SGPP2: variants seen among roughly 807,000 people sequenced by gnomAD.
SGPP2 encodes the protein sphingosine 1-phosphate phosphohydrolase 2.
Under a neutral mutation model 33.9 loss-of-function variants are expected in SGPP2, and 30 were observed. The observed-to-expected ratio is 0.89, with a 90% CI of 0.66 to 1.20. SGPP2 has a LOEUF of 1.20. Among genes scored for constraint, SGPP2 ranks in the 50% most tolerant of loss-of-function variants. The probability of loss-of-function intolerance (pLI) is 0.00; values close to 1 mark genes in which losing one functional copy is unlikely to be tolerated. For missense variants in SGPP2, 458 were observed against 532.1 expected, an observed-to-expected ratio of 0.86 and a Z score of 1.37; for synonymous variants, 233 against 225.0, an observed-to-expected ratio of 1.04 and a Z score of -0.32.
At chr2:222,473,652 C>T (rs1017582646) in intron 1 of SGPP2, among the ~76,000 whole-genome samples, 1 of 152,160 alleles carries the variant, frequency 6.6e-6, no homozygotes, top group Non-Finnish European at 1.5e-5. Context: ...AGGCCGGGCA[C>T]GGTGGCTCAC....
At chr2:222,437,454 G>A (rs4674651) in intron 1 of SGPP2, among the ~76,000 whole-genome samples, 116,645 of 152,076 alleles carry the variant, frequency 0.77, 44,895 homozygotes, top group Middle Eastern at 0.88. Context: ...AGAACCATCT[G>A]TGAACCAGGC....
At position 222,558,891 on chromosome 2, in the gene SGPP2, T is replaced by C; in HGVS notation, c.1193T>C (p.Leu398Ser). Reference sequence around the variant, plus strand: ...CCGATGCTTCACAGGTTTCTGGGATTACCCTGAGTCTCAAACAGTTGGAAA... The same window carrying C: ...CCGATGCTTCACAGGTTTCTGGGATCACCCTGAGTCTCAAACAGTTGGAAA... ...FVPMLHRFLG[L>S]P The change falls in exon 5 of 5, where the codon TTA becomes TCA. Residue 398 changes from leucine (L) to serine (S), a missense_variant. Transcript: ENST00000321276. The C allele has an allele frequency of 6.2e-7, 1 of 1,603,518 alleles. No individual in the cohort carries two copies. The highest frequency in any genetic ancestry group is 8.5e-7 in the Non-Finnish European group (1 of 1,170,988).
At chr2:222,445,916 A>G (rs1181625008) in intron 1 of SGPP2, among the ~76,000 whole-genome samples, 1 of 152,202 alleles carries the variant, frequency 6.6e-6, no homozygotes, top group Non-Finnish European at 1.5e-5. Context: ...GCAGAATGTA[A>G]AGGGTTCAGA....
chr2:222,510,295 A>C (rs1398671021), intron 2 of SGPP2, among the ~76,000 whole-genome samples: 1 of 152,234 alleles, frequency 6.6e-6, no homozygotes, highest in East Asian at 1.9e-4. Context: ...TCTTACTGGT[A>C]AGCTGAGAAA....
intron 1 of SGPP2, among the ~76,000 whole-genome samples, chr2:222,442,556 C>CTTCACAATTTAATTGTGTAA (rs1213529253): frequency 9.9e-5 from 15 of 152,086 alleles, no homozygotes; most frequent in Non-Finnish European, 1.9e-4. Flanking sequence ...TGTAATTCAT[C>CTTCACAATTTAATTGTGTAA]TTCATGTCTG....
chr2:222,463,072 T>C (rs1697689777), intron 1 of SGPP2, among the ~76,000 whole-genome samples: 1 of 152,250 alleles, frequency 6.6e-6, no homozygotes, highest in Non-Finnish European at 1.5e-5. Flanking sequence ...CGGAAATTGA[T>C]GGAACTTCTC....
intron 1 of SGPP2, among the ~76,000 whole-genome samples, chr2:222,444,254 A>G (rs1028536900): frequency 4.6e-5 from 7 of 152,116 alleles, no homozygotes; most frequent in Admixed American, 1.3e-4. Context: ...ATGTGCTTTA[A>G]ATTGTTGCAT....
At chr2:222,520,737 A>AAAAAAAC (rs1698673045) in intron 2 of SGPP2, among the ~76,000 whole-genome samples, 1 of 140,374 alleles carries the variant, frequency 7.1e-6, no homozygotes, top group African/African-American at 2.6e-5. Flanking sequence ...AAAAAAAAAA[A>AAAAAAAC]AAAAAAAACC....
chr2:222,555,943 G>A (rs1003285501), intron 4 of SGPP2, among the ~76,000 whole-genome samples: 8 of 152,112 alleles, frequency 5.3e-5, no homozygotes, highest in African/African-American at 7.2e-5. Flanking sequence ...TTACCCCTGC[G>A]CTATTCACTA....
chr2:222,449,623 C>G (rs1159239689), intron 1 of SGPP2, among the ~76,000 whole-genome samples: 4 of 152,158 alleles, frequency 2.6e-5, no homozygotes, highest in Non-Finnish European at 5.9e-5. Flanking sequence ...GCACCTGCCA[C>G]CACGCCCTGC....
intron 1 of SGPP2, among the ~76,000 whole-genome samples, chr2:222,456,070 C>T (rs1264680600): frequency 6.6e-6 from 1 of 152,102 alleles, no homozygotes; most frequent in Non-Finnish European, 1.5e-5. Flanking sequence ...TAGAGCAAGA[C>T]CCTGTCTCTA....
chr2:222,450,544 C>T (rs900665847), intron 1 of SGPP2, among the ~76,000 whole-genome samples: 7 of 152,196 alleles, frequency 4.6e-5, no homozygotes, highest in Non-Finnish European at 8.8e-5. Context: ...ACAGACTCCA[C>T]CTCCAAAAGC....
chr2:222,471,217 G>T (rs1171833587), intron 1 of SGPP2, among the ~76,000 whole-genome samples: 6 of 152,132 alleles, frequency 3.9e-5, no homozygotes, highest in African/African-American at 1.2e-4. Flanking sequence ...GCTTGAGACT[G>T]AATTCTTATG....
chr2:222,501,554 A>C (rs1050313811), intron 2 of SGPP2, among the ~76,000 whole-genome samples: 3 of 152,170 alleles, frequency 2.0e-5, no homozygotes, highest in South Asian at 2.1e-4. Context: ...TTCGATGTTA[A>C]TGATGTTGAG....
intron 1 of SGPP2, among the ~76,000 whole-genome samples, chr2:222,427,422 TTTGTTG>T (rs1030376797): frequency 2.0e-5 from 3 of 151,590 alleles, no homozygotes; most frequent in African/African-American, 7.3e-5. Flanking sequence ...CATCATCTGG[TTTGTTG>T]TTGTTGTTGT....
chr2:222,513,770 T>G (rs1381115081), intron 2 of SGPP2, among the ~76,000 whole-genome samples: 1 of 151,572 alleles, frequency 6.6e-6, no homozygotes, highest in South Asian at 2.1e-4. Flanking sequence ...TGGCCACAGG[T>G]CAAAGAGTAC....
chr2:222,450,389 C>T (rs1173750939), intron 1 of SGPP2, among the ~76,000 whole-genome samples: 2 of 152,194 alleles, frequency 1.3e-5, no homozygotes, highest in Non-Finnish European at 2.9e-5. Context: ...TCCAAATAAT[C>T]ATCTTTCTCT....
chr2:222,525,013 A>T lies in SGPP2; in HGVS notation c.628A>T (p.Thr210Ser). Reference sequence around the variant, plus strand: ...CTTGGTGTGTCTCAGCAGGCTCTACACTGGGATGCATACGGTCCTGGTAAG... The same window carrying T: ...CTTGGTGTGTCTCAGCAGGCTCTACTCTGGGATGCATACGGTCCTGGTAAG... ...STLVCLSRLYTGMHTVLDVLG... is the reference protein window; with the variant it reads ...STLVCLSRLYSGMHTVLDVLG... The change falls in exon 4 of 5, where the codon ACT becomes TCT. Residue 210 changes from threonine (T) to serine (S), a missense_variant. By Grantham distance (58) the Thr-to-Ser change is moderately conservative. Transcript: ENST00000321276. The T allele has an allele frequency of 6.2e-7, 1 of 1,613,984 alleles. No homozygotes were observed. The highest frequency in any genetic ancestry group is 8.5e-7 in the Non-Finnish European group (1 of 1,179,926).
chr2:222,451,729 G>A, intron 1 of SGPP2, among the ~76,000 whole-genome samples: 1 of 152,334 alleles, frequency 6.6e-6, no homozygotes, highest in East Asian at 1.9e-4. Context: ...TTAATCAAAG[G>A]AAGGAAGAGA....
Sources: allele counts gnomAD v4.1 joint callset (sites outside exome capture counted in the v4.1 genomes callset), GRCh38; gene constraint gnomAD v4.1.1; transcripts MANE v1.5; gene names NCBI Gene and HGNC (gene_info 2026-07-23, HGNC 2026-07-21).